SLC38A11: variants seen among roughly 807,000 people sequenced by gnomAD.
The protein encoded by SLC38A11 is putative sodium-coupled neutral amino acid transporter 11.
SLC38A11 carries 51 observed loss-of-function variants against 49.4 expected under a neutral mutation model. The observed-to-expected ratio is 1.03, with a 90% confidence interval of 0.83 to 1.30. The LOEUF is 1.30. Among genes scored for constraint, SLC38A11 ranks in the 50% most tolerant of loss-of-function variants. The probability of loss-of-function intolerance (pLI) is 0.00; values close to 1 mark genes in which losing one functional copy is unlikely to be tolerated. For synonymous variants in SLC38A11, 203 were observed against 192.9 expected (o/e 1.05, Z -0.43); for missense variants, 574 against 556.2 (o/e 1.03, Z -0.32).
At chr2:164,904,147 C>G (rs1401640650) in intron 11 of SLC38A11, among the ~76,000 whole-genome samples, 2 of 152,218 alleles carry the variant, frequency 1.3e-5, no homozygotes, top group Non-Finnish European at 2.9e-5. Context: ...AAACCACACA[C>G]AATGCTTGTT....
At chr2:164,943,821 A>G (rs1388841819) in intron 5 of SLC38A11, among the ~76,000 whole-genome samples, 1 of 152,028 alleles carries the variant, frequency 6.6e-6, no homozygotes, top group Non-Finnish European at 1.5e-5. Flanking sequence ...TTATATGACT[A>G]TATGCCTTTG....
chr2:164,915,002 G>C, intron 9 of SLC38A11, 110 bp downstream of exon 9: 1 of 999,564 alleles, frequency 1.0e-6, no homozygotes, highest in Non-Finnish European at 1.4e-6. Flanking sequence ...GGGTGGAAGA[G>C]AGTAATCTTT....
Position 164,954,699 on chromosome 2 carries a change from T to G in SLC38A11, c.86A>C (p.Lys29Thr), listed in dbSNP as rs1346647953. Residue 29 changes from lysine (K) to threonine (T), a missense_variant, in exon 2 of 12, where the codon AAA becomes ACA. Transcript: ENST00000685975. ...AGCAGCAGACTGACAGGTTTTCTCTTTATACTCATGTTCAGAAACAAGGGT... is the reference window on the plus strand; with the variant it reads ...AGCAGCAGACTGACAGGTTTTCTCTGTATACTCATGTTCAGAAACAAGGGT... ...RETLVSEHEYKEKTCQSAALF... is the reference protein window; with the variant it reads ...RETLVSEHEYTEKTCQSAALF... The G allele has an allele frequency of 1.3e-6, 2 of 1,543,468 alleles. No homozygotes were observed. The highest frequency in any genetic ancestry group is 2.7e-5 in the African/African-American group (2 of 72,888).
chr2:164,932,673 G>T (rs370026544), intron 7 of SLC38A11, among the ~76,000 whole-genome samples: 30 of 152,204 alleles, frequency 2.0e-4, no homozygotes, highest in African/African-American at 6.7e-4. Context: ...TTATAAGCGG[G>T]AGCTAAAAGA....
At chr2:164,936,683 C>A (rs1559119178) in intron 7 of SLC38A11, among the ~76,000 whole-genome samples, 1 of 152,086 alleles carries the variant, frequency 6.6e-6, no homozygotes, top group Non-Finnish European at 1.5e-5. Flanking sequence ...GGGACTGTGA[C>A]TATAAACTGC....
rs200284770 is a variant in SLC38A11 at position 164,947,117 on chromosome 2, C to CTTTT, written c.230-1394_230-1391dup. Among the ~76,000 whole-genome samples, 245 of 72,840 alleles carry CTTTT rather than the reference C, an allele frequency of 3.4e-3. 19 individuals carry two copies. The highest frequency in any genetic ancestry group is 3.6e-3 in the Non-Finnish European group (151 of 42,128). 47.8% of individuals were successfully genotyped at this position (72,840 alleles called of 152,430 possible). A position where few individuals can be genotyped will look rare whatever the true frequency, so the allele number is the denominator to read the frequency against. On this transcript the variant is annotated intron_variant, in intron 3 of 11. Transcript: ENST00000685975. ...CCTGGATTCTTGGACTTTTTTATCT[C>CTTTT]TTTTTTTTTTTTTTTTTTTTTTTTT...
Position 164,896,991 on chromosome 2 carries a change from G to T in SLC38A11, c.*1446C>A, listed in dbSNP as rs544207957. The T allele has an allele frequency of 2.4e-4, 37 of 152,060 alleles. No individual in the cohort carries two copies. Among genetic ancestry groups the T allele is most frequent in the African/African-American group, 6.8e-4 (28 of 41,472 alleles). 9.4% of individuals were successfully genotyped at this position (152,060 alleles called of 1,614,324 possible). On this transcript the variant is annotated 3_prime_UTR_variant, in exon 12 of 12. Coordinates refer to ENST00000685975, the MANE Select transcript of SLC38A11 (RefSeq NM_001351537.2). ...TCGTTATTTGGCAACAATTAATATAGTGCCACAGATGGACAACCTGATTGG... is the reference window on the plus strand; with the variant it reads ...TCGTTATTTGGCAACAATTAATATATTGCCACAGATGGACAACCTGATTGG...
intron 7 of SLC38A11, among the ~76,000 whole-genome samples, chr2:164,926,972 C>G (rs1025329443): frequency 6.6e-6 from 1 of 151,518 alleles, no homozygotes; most frequent in Admixed American, 6.6e-5. Flanking sequence ...TGTAACAAAC[C>G]TGCACGTTGT....
intron 5 of SLC38A11, among the ~76,000 whole-genome samples, chr2:164,940,330 C>G (rs1312724613): frequency 6.7e-6 from 1 of 149,602 alleles, no homozygotes; most frequent in African/African-American, 2.4e-5. Flanking sequence ...ATGAAACATA[C>G]AAGGATTTAT....
chr2:164,950,456 C>A (rs546801643), intron 3 of SLC38A11, among the ~76,000 whole-genome samples: 2 of 152,130 alleles, frequency 1.3e-5, no homozygotes, highest in Non-Finnish European at 2.9e-5. Context: ...TAAATGCTTT[C>A]ATTTGCTTAT....
rs1356933581 is a variant in SLC38A11 at position 164,954,708 on chromosome 2, T to C, written c.77A>G (p.His26Arg). Reference sequence around the variant, plus strand: ...CTGACAGGTTTTCTCTTTATACTCATGTTCAGAAACAAGGGTTTCTCTGTC... The same window carrying C: ...CTGACAGGTTTTCTCTTTATACTCACGTTCAGAAACAAGGGTTTCTCTGTC... The part of the protein sequence containing the change: ...LDDRETLVSE[H>R]EYKEKTCQSA... Residue 26 changes from histidine to arginine, a missense_variant, in exon 2 of 12, where the codon CAT becomes CGT. Coordinates refer to ENST00000685975, the MANE Select transcript of SLC38A11 (RefSeq NM_001351537.2). 3.2e-6 allele frequency: 5 copies of C among 1,540,240 alleles called. No homozygotes were observed. The East Asian group carries it at 1.2e-4, about 38-fold the overall frequency.
In SLC38A11 at chr2:164,955,221, G is replaced by T; in HGVS notation, c.27C>A (p.Val9=). The change falls in exon 1 of 12, where the codon GTC becomes GTA. Residue 9 remains valine (V), a synonymous_variant. Coordinates refer to ENST00000685975, the MANE Select transcript of SLC38A11 (RefSeq NM_001351537.2). ...TCGCTAGTTTTACCTGCGGCGGGAT[G>T]ACAGGCTCCTGCCTCTGGTAGCCCA... MGYQRQEP[V]IPPQRDLDDR... The T allele has an allele frequency of 6.4e-7, 1 of 1,550,540 alleles. No individual in the cohort carries two copies. The highest frequency in any genetic ancestry group is 8.7e-7 in the Non-Finnish European group (1 of 1,146,972).
At chr2:164,937,556 G>A (rs925905750) in intron 6 of SLC38A11, 127 bp from the exon 7 acceptor site, 1 of 613,304 alleles carries the variant, frequency 1.6e-6, no homozygotes. Flanking sequence ...TCTTTAGTAG[G>A]TTATTCTTGC....
chr2:164,925,329 T>C (rs1471067284), intron 7 of SLC38A11, among the ~76,000 whole-genome samples: 1 of 152,206 alleles, frequency 6.6e-6, no homozygotes, highest in African/African-American at 2.4e-5. Context: ...GGGTGTCGCT[T>C]TGGTTCTTTG....
At position 164,895,826 on chromosome 2, in the gene SLC38A11, TA is replaced by T. The variant is rs1684369183; in HGVS notation, c.*2610del. On this transcript the variant is annotated 3_prime_UTR_variant, in exon 12 of 12. Transcript: ENST00000685975. The stretch of plus-strand genomic sequence containing the variant: ...AGATGGTTCAAGTTAGTTTTGATAA[TA>T]AAGATTCTATAATAAGTGAACAATG... The T allele has an allele frequency of 6.6e-6, 1 of 152,206 alleles. No homozygotes were observed. Among genetic ancestry groups the T allele is most frequent in the Admixed American group, 6.6e-5 (1 of 15,266 alleles). 9.4% of individuals were successfully genotyped at this position (152,206 alleles called of 1,614,324 possible). A position where few individuals can be genotyped will look rare whatever the true frequency, so the allele number is the denominator to read the frequency against.
At chr2:164,917,295 G>T (rs1178459908) in intron 7 of SLC38A11, among the ~76,000 whole-genome samples, 1 of 152,132 alleles carries the variant, frequency 6.6e-6, no homozygotes, top group Non-Finnish European at 1.5e-5. Flanking sequence ...TCTATGTAAA[G>T]AAGGTACATA....
At chr2:164,918,162 A>G (rs1397171388) in intron 7 of SLC38A11, among the ~76,000 whole-genome samples, 1 of 152,094 alleles carries the variant, frequency 6.6e-6, no homozygotes, top group Non-Finnish European at 1.5e-5. Context: ...ACCTGGATGG[A>G]AACATAAAGT....
At chr2:164,918,029 A>G (rs1817169) in intron 7 of SLC38A11, among the ~76,000 whole-genome samples, 94,333 of 151,330 alleles carry the variant, frequency 0.62, 29,513 homozygotes, top group East Asian at 0.69. Flanking sequence ...ATGGCTTTCC[A>G]ATCATTTATA....
In SLC38A11 at chr2:164,927,818, CTTA is replaced by C. The variant is rs1479093583; in HGVS notation, c.617+9529_617+9531del. Among the ~76,000 whole-genome samples, 6 of 152,232 alleles carry C rather than the reference CTTA, an allele frequency of 3.9e-5. No homozygotes were observed. The East Asian group carries it at 1.2e-3, about 29-fold the overall frequency. ...ATAGCACTTACTCATAATTCTATTA[CTTA>C]TTATATTGAGACTGTCTTTCATAAG... On this transcript the variant is annotated intron_variant, in intron 7 of 11. Transcript: ENST00000685975.
Sources: allele counts gnomAD v4.1 joint callset (sites outside exome capture counted in the v4.1 genomes callset), GRCh38; gene constraint gnomAD v4.1.1; transcripts MANE v1.5; gene names NCBI Gene and HGNC (gene_info 2026-07-23, HGNC 2026-07-21).